The following SCFD2 variants were observed in gnomAD, a reference collection of about 807,000 sequenced individuals.
The protein encoded by SCFD2 is sec1 family domain containing 2, also known as sec1 family domain-containing protein 2.
A neutral mutation model predicts 58.9 loss-of-function variants in SCFD2; 54 were observed. The observed-to-expected ratio is 0.92, with a 90% CI of 0.74 to 1.15. The LOEUF is 1.15. SCFD2 is among the 50% of genes most tolerant of loss of function. The pLI, the probability that SCFD2 is intolerant of heterozygous loss-of-function variation, is 0.00. For missense variants in SCFD2, 805 were observed against 836.6 expected, an observed-to-expected ratio of 0.96 and a Z score of 0.47; for synonymous variants, 321 against 335.9, an observed-to-expected ratio of 0.96 and a Z score of 0.49.
At chr4:52,951,610 C>G (rs1425646450) in intron 5 of SCFD2, among the ~76,000 whole-genome samples, 1 of 152,174 alleles carries the variant, frequency 6.6e-6, no homozygotes, top group Admixed American at 6.5e-5. Context: ...TTTCCAGCCC[C>G]CTAGCAGTTA....
At chr4:53,229,806 A>C (rs1225512969) in intron 4 of SCFD2, among the ~76,000 whole-genome samples, 1 of 152,228 alleles carries the variant, frequency 6.6e-6, no homozygotes, top group Admixed American at 6.5e-5. Context: ...CTGCGCAGCA[A>C]AAGAAACTAC....
At chr4:53,332,215 G>C (rs1172063207) in intron 2 of SCFD2, among the ~76,000 whole-genome samples, 2,407 of 150,456 alleles carry the variant, frequency 0.016, 67 homozygotes, top group African/African-American at 0.056. Flanking sequence ...CCAATCAATA[G>C]AAAAAGAGGG....
At chr4:52,970,944 G>A (rs2109551845) in intron 5 of SCFD2, among the ~76,000 whole-genome samples, 1 of 152,314 alleles carries the variant, frequency 6.6e-6, no homozygotes, top group South Asian at 2.1e-4. Flanking sequence ...CAAAAGACCT[G>A]CAGCTGAGGG....
chr4:53,165,527 T>C (rs1258428147), intron 4 of SCFD2, among the ~76,000 whole-genome samples: 1 of 152,138 alleles, frequency 6.6e-6, no homozygotes, highest in Non-Finnish European at 1.5e-5. Flanking sequence ...TTTGCCTTCC[T>C]CTCCTTTTAT....
At chr4:53,349,696 T>G (rs1460428958) in intron 2 of SCFD2, among the ~76,000 whole-genome samples, 1 of 152,224 alleles carries the variant, frequency 6.6e-6, no homozygotes, top group Non-Finnish European at 1.5e-5. Context: ...TTAAATAAAG[T>G]GACTATAATC....
chr4:53,236,199 G>C (rs899103543), intron 4 of SCFD2, among the ~76,000 whole-genome samples: 1 of 151,982 alleles, frequency 6.6e-6, no homozygotes, highest in Non-Finnish European at 1.5e-5. Context: ...AAATAGAGAC[G>C]GGCCTAGCCT....
At chr4:53,111,463 T>C (rs1003788525) in intron 5 of SCFD2, among the ~76,000 whole-genome samples, 4 of 152,202 alleles carry the variant, frequency 2.6e-5, no homozygotes, top group African/African-American at 9.6e-5. Context: ...GTTATATTTA[T>C]CTTCAAGTCG....
intron 5 of SCFD2, among the ~76,000 whole-genome samples, chr4:53,027,360 G>A (rs1326036733): frequency 2.6e-5 from 4 of 152,012 alleles, no homozygotes; most frequent in Admixed American, 2.6e-4. Flanking sequence ...GACCTGCTCA[G>A]TGTTGGTTTT....
At chr4:53,247,762 G>A (rs1730147367) in intron 4 of SCFD2, among the ~76,000 whole-genome samples, 1 of 145,514 alleles carries the variant, frequency 6.9e-6, no homozygotes. Context: ...TCGGGAGGCT[G>A]AGGCAGGAGA....
chr4:53,144,672 T>C (rs1483060239), intron 5 of SCFD2, among the ~76,000 whole-genome samples: 1 of 151,854 alleles, frequency 6.6e-6, no homozygotes, highest in Admixed American at 6.6e-5. Context: ...AATATATCAA[T>C]AGGAAACTCT....
chr4:53,227,242 A>G (rs530848998), intron 4 of SCFD2, among the ~76,000 whole-genome samples: 1 of 152,340 alleles, frequency 6.6e-6, no homozygotes, highest in South Asian at 2.1e-4. Context: ...AGGTGACAAA[A>G]TTAAGTATAA....
chr4:53,112,117 G>T (rs545873054), intron 5 of SCFD2, among the ~76,000 whole-genome samples: 2 of 152,236 alleles, frequency 1.3e-5, no homozygotes, highest in African/African-American at 4.8e-5. Context: ...GAATGGAAGA[G>T]AGTTTTACAG....
intron 3 of SCFD2, among the ~76,000 whole-genome samples, chr4:53,302,988 C>T (rs1263460462): frequency 1.3e-5 from 2 of 152,062 alleles, no homozygotes; most frequent in African/African-American, 4.8e-5. Flanking sequence ...GACCTAAAAC[C>T]ATAAAAACCC....
At chr4:53,169,968 C>T (rs1381347294) in intron 4 of SCFD2, among the ~76,000 whole-genome samples, 2 of 152,052 alleles carry the variant, frequency 1.3e-5, no homozygotes, top group Non-Finnish European at 2.9e-5. Flanking sequence ...ATATTTTCTC[C>T]CAGTCTCTCT....
At chr4:53,268,632 G>C (rs1731065715) in intron 4 of SCFD2, among the ~76,000 whole-genome samples, 2 of 152,124 alleles carry the variant, frequency 1.3e-5, no homozygotes, top group African/African-American at 4.8e-5. Context: ...GTGTGGGCTT[G>C]GTGTGGGGTG....
At chr4:53,084,340 C>T (rs1187221228) in intron 5 of SCFD2, among the ~76,000 whole-genome samples, 2 of 152,218 alleles carry the variant, frequency 1.3e-5, no homozygotes, top group South Asian at 4.2e-4. Context: ...AAATATGGCT[C>T]TTTTTGCCCG....
chr4:53,175,369 T>C (rs1727297315), intron 4 of SCFD2, among the ~76,000 whole-genome samples: 1 of 152,148 alleles, frequency 6.6e-6, no homozygotes, highest in Non-Finnish European at 1.5e-5. Flanking sequence ...AATTAAAATA[T>C]AACAAAAAAT....
At chr4:53,353,477 C>T (rs375012219) in intron 1 of SCFD2, among the ~76,000 whole-genome samples, 4 of 152,300 alleles carry the variant, frequency 2.6e-5, no homozygotes, top group Non-Finnish European at 5.9e-5. Flanking sequence ...ACTGCTGTCT[C>T]GGGCAGCCTC....
chr4:53,273,277 A>G (rs1731229192), intron 4 of SCFD2, among the ~76,000 whole-genome samples: 1 of 152,328 alleles, frequency 6.6e-6, no homozygotes, highest in Non-Finnish European at 1.5e-5. Flanking sequence ...TAAAAAACAC[A>G]TACTACATAT....
Sources: allele counts gnomAD v4.1 joint callset (sites outside exome capture counted in the v4.1 genomes callset), GRCh38; gene constraint gnomAD v4.1.1; transcripts MANE v1.5; gene names NCBI Gene and HGNC (gene_info 2026-07-23, HGNC 2026-07-21).